The following IFT80 variants were observed in gnomAD, a reference collection of about 807,000 sequenced individuals.
IFT80 encodes the protein intraflagellar transport 80, also known as intraflagellar transport protein 80 homolog.
In IFT80, 79 loss-of-function variants were observed where a neutral mutation model predicts 107.9. That is an observed-to-expected ratio of 0.73 (90% CI 0.61 to 0.88). IFT80 has a LOEUF of 0.88. IFT80 is among the 40% of genes least tolerant of loss of function. The probability of loss-of-function intolerance (pLI) is 0.00; values close to 1 mark genes in which losing one functional copy is unlikely to be tolerated. For missense variants in IFT80, 797 were observed against 914.2 expected, an observed-to-expected ratio of 0.87 and a Z score of 1.65; for synonymous variants, 299 against 300.9, an observed-to-expected ratio of 0.99 and a Z score of 0.07.
chr3:160,383,874 T>C (rs1363057642), intron 2 of IFT80: 10 of 985,228 alleles, frequency 1.0e-5, no homozygotes, highest in East Asian at 1.1e-4. Context: ...CACTTTATCA[T>C]GAATGTAAAG....
intron 12 of IFT80, among the ~76,000 whole-genome samples, chr3:160,294,437 T>C (rs1465509778): frequency 6.6e-6 from 1 of 152,170 alleles, no homozygotes; most frequent in Non-Finnish European, 1.5e-5. Flanking sequence ...CGCAGGCTGG[T>C]CTCAAACTCC....
At chr3:160,267,452 G>C (rs1713433271) in intron 19 of IFT80, among the ~76,000 whole-genome samples, 1 of 152,174 alleles carries the variant, frequency 6.6e-6, no homozygotes, top group South Asian at 2.1e-4. Flanking sequence ...GTCTAGGCCA[G>C]AGTGAGATAT....
chr3:160,307,477 C>T (rs1227214341), intron 10 of IFT80, among the ~76,000 whole-genome samples, 186 bp downstream of exon 10: 3 of 152,158 alleles, frequency 2.0e-5, no homozygotes, highest in African/African-American at 2.4e-5. Flanking sequence ...GTACAAACCT[C>T]GTTAGATCTA....
chr3:160,282,075 C>T (rs955318444), intron 14 of IFT80, among the ~76,000 whole-genome samples: 1 of 152,150 alleles, frequency 6.6e-6, no homozygotes, highest in Admixed American at 6.5e-5. Context: ...CTCAGGAGTT[C>T]GAGACCAGCC....
intron 8 of IFT80, among the ~76,000 whole-genome samples, chr3:160,336,043 T>C (rs534654337): frequency 3.9e-5 from 6 of 152,348 alleles, no homozygotes; most frequent in African/African-American, 1.4e-4. Context: ...ACATAGTTTG[T>C]TTATACACTA....
chr3:160,269,410 T>C (rs535219225), intron 18 of IFT80, among the ~76,000 whole-genome samples: 1 of 152,246 alleles, frequency 6.6e-6, no homozygotes, highest in Non-Finnish European at 1.5e-5. Context: ...AAATAACAAA[T>C]TGAGGCTAAG....
At chr3:160,360,220 A>G (rs568177726) in intron 6 of IFT80, among the ~76,000 whole-genome samples, 1 of 152,360 alleles carries the variant, frequency 6.6e-6, no homozygotes, top group East Asian at 1.9e-4. Flanking sequence ...CACAAGCTTC[A>G]GTAGCTGATT....
chr3:160,309,759 A>C (rs1717105312), intron 9 of IFT80, among the ~76,000 whole-genome samples: 1 of 152,146 alleles, frequency 6.6e-6, no homozygotes, highest in Non-Finnish European at 1.5e-5. Context: ...GAAGAATATG[A>C]AGATATATGG....
chr3:160,382,099 G>A (rs1007875525), intron 2 of IFT80, among the ~76,000 whole-genome samples: 12 of 152,092 alleles, frequency 7.9e-5, no homozygotes, highest in African/African-American at 2.7e-4. Flanking sequence ...TAGGTAGGGA[G>A]CAAAGGGAAC....
intron 6 of IFT80, among the ~76,000 whole-genome samples, chr3:160,359,798 A>G (rs1721365928): frequency 6.6e-6 from 1 of 152,240 alleles, no homozygotes; most frequent in Admixed American, 6.5e-5. Flanking sequence ...ACAGAAAGGA[A>G]TAGCATCAAC....
chr3:160,291,678 AGGCCATG>A (rs1715568903), intron 12 of IFT80, among the ~76,000 whole-genome samples: 2 of 152,218 alleles, frequency 1.3e-5, no homozygotes, highest in South Asian at 4.1e-4. Flanking sequence ...ATTAACTCGC[AGGCCATG>A]GTCACATGGT....
intron 9 of IFT80, 67 bp from the exon 10 acceptor site, chr3:160,307,848 G>T: frequency 2.4e-6 from 2 of 840,656 alleles, no homozygotes; most frequent in South Asian, 1.4e-5. Context: ...AGATAAGTTA[G>T]CAAGATTTTG....
intron 14 of IFT80, among the ~76,000 whole-genome samples, chr3:160,281,675 TGGA>T (rs918253508): frequency 6.6e-6 from 1 of 152,160 alleles, no homozygotes; most frequent in Non-Finnish European, 1.5e-5. Context: ...GGCAAAATGG[TGGA>T]GGAGTTTAAC....
intron 8 of IFT80, among the ~76,000 whole-genome samples, chr3:160,329,679 C>G (rs1056397285): frequency 1.3e-5 from 2 of 152,302 alleles, no homozygotes; most frequent in Admixed American, 6.5e-5. Flanking sequence ...ATCGTAACCT[C>G]TTTGTCCAAT....
chr3:160,361,487 G>A (rs535994718), intron 6 of IFT80, among the ~76,000 whole-genome samples: 6 of 152,208 alleles, frequency 3.9e-5, no homozygotes, highest in African/African-American at 1.2e-4. Context: ...GGTTAACAAG[G>A]ATATCCAGGA....
Position 160,381,474 on chromosome 3 carries a change from C to T in IFT80, c.259+29G>A, listed in dbSNP as rs771937666. ...CTATTAAGTCTTTTAAATACAATGG[C>T]GAGCATATAATGTTTATTTAAAACT... On this transcript the variant is annotated intron_variant, in intron 3 of 19. Transcript: ENST00000326448. The T allele has an allele frequency of 3.1e-5, 46 of 1,487,674 alleles. No individual in the cohort carries two copies. The African/African-American group carries it at 3.9e-4, about 13-fold the overall frequency. The allele number at this position is 1,487,674 out of a possible 1,614,324, so 92.2% of individuals were successfully genotyped here. A position where few individuals can be genotyped will look rare whatever the true frequency, so the allele number is the denominator to read the frequency against.
intron 19 of IFT80, among the ~76,000 whole-genome samples, chr3:160,260,306 C>T (rs1478607533): frequency 6.6e-6 from 1 of 152,246 alleles, no homozygotes; most frequent in African/African-American, 2.4e-5. Flanking sequence ...TTTTTTCAAT[C>T]AGGGCAAAAT....
intron 8 of IFT80, among the ~76,000 whole-genome samples, chr3:160,346,902 T>A (rs1720333358): frequency 6.6e-6 from 1 of 152,164 alleles, no homozygotes; most frequent in Non-Finnish European, 1.5e-5. Flanking sequence ...TCTGGTCTTT[T>A]CTGAGTGTGT....
Position 160,302,720 on chromosome 3 carries a change from T to A in IFT80, c.1151+1195A>T, listed in dbSNP as rs79854051. ...AACATGATTTTTTAGATAGCTGATA[T>A]CTTACCTTTTAAATGACAAAAATGA... On this transcript the variant is annotated intron_variant, in intron 11 of 19. Transcript: ENST00000326448. 7.0e-3 allele frequency among the ~76,000 whole-genome samples: 1,060 copies of A among 152,228 alleles called. 11 individuals carry two copies. The highest frequency in any genetic ancestry group is 0.024 in the African/African-American group (992 of 41,570).
Sources: allele counts gnomAD v4.1 joint callset (sites outside exome capture counted in the v4.1 genomes callset), GRCh38; gene constraint gnomAD v4.1.1; transcripts MANE v1.5; gene names NCBI Gene and HGNC (gene_info 2026-07-23, HGNC 2026-07-21).